The following ELP1 variants were observed in gnomAD, a reference collection of about 807,000 sequenced individuals.
ELP1 encodes elongator acetyltransferase complex subunit 1, also known as elongator complex protein 1.
Under a neutral mutation model 183.2 loss-of-function variants are expected in ELP1, and 131 were observed. The ratio of observed to expected loss-of-function variants is 0.72; its 90% CI spans 0.62 to 0.83. ELP1 has a LOEUF of 0.83. Ranked by LOEUF, ELP1 falls within the 40% of genes least tolerant of loss-of-function variation. ELP1 has a pLI of 0.00. For synonymous variants in ELP1, 555 were observed against 569.0 expected (o/e 0.98, Z 0.35); for missense variants, 1,550 against 1,594.9 (o/e 0.97, Z 0.48).
At chr9:108,931,257 A>C in intron 1 of ELP1, 56 bp from the exon 2 acceptor site, 5 of 1,150,090 alleles carry the variant, frequency 4.3e-6, no homozygotes, top group Non-Finnish European at 6.5e-6. Flanking sequence ...ATTTAAATGA[A>C]ATGATTCAGG....
chr9:108,917,776 C>G, intron 8 of ELP1, 106 bp from the exon 9 acceptor site: 1 of 1,163,356 alleles, frequency 8.6e-7, no homozygotes, highest in Non-Finnish European at 1.3e-6. Flanking sequence ...AATGAATGAA[C>G]GAATTAATGA....
intron 35 of ELP1, among the ~76,000 whole-genome samples, chr9:108,876,458 T>C (rs1217080493): frequency 1.3e-5 from 2 of 152,154 alleles, no homozygotes; most frequent in East Asian, 1.9e-4. Context: ...AAGCATTCTA[T>C]TGAAGCACAC....
At chr9:108,878,266 C>T (rs1173930474) in intron 34 of ELP1, 117 bp from the exon 35 acceptor site, 1 of 826,954 alleles carries the variant, frequency 1.2e-6, no homozygotes, top group Non-Finnish European at 2.0e-6. Context: ...GGTCCTTTCT[C>T]CCACATTATC....
In ELP1 at chr9:108,896,983, T is replaced by C; in HGVS notation, c.2557A>G (p.Ile853Val). ...HVKKTTPELE[I>V]VLQKVHELQG... ...AGCTCGTGTACTTTTTGCAGTACAA[T>C]TTCCAGTTCTGGGGTTGTCTTCTTT... Residue 853 changes from isoleucine (I) to valine (V), a missense_variant, in exon 24 of 37, where the codon ATT becomes GTT. By Grantham distance (29) the Ile-to-Val change is conservative. Transcript: ENST00000374647. 1 of 1,614,138 alleles carries C rather than the reference T, an allele frequency of 6.2e-7. No homozygotes were observed.
In ELP1 at chr9:108,922,761, G is replaced by A. The variant is rs1248008380; in HGVS notation, c.552+81C>T. 4 of 995,278 alleles carry A rather than the reference G, an allele frequency of 4.0e-6. No individual in the cohort carries two copies. The East Asian group carries it at 9.5e-5, about 24-fold the overall frequency. 61.7% of individuals were successfully genotyped at this position (995,278 alleles called of 1,614,324 possible). A position where few individuals can be genotyped will look rare whatever the true frequency, so the allele number is the denominator to read the frequency against. ...AGAACTGTTCATTACTGGCATCTAA[G>A]TGGACACCAAAGAGTTCCTGGTGGG... On this transcript the variant is annotated intron_variant, in intron 6 of 36. Coordinates refer to ENST00000374647, the MANE Select transcript of ELP1 (RefSeq NM_003640.5).
At chr9:108,889,437 T>A (rs535283795) in intron 28 of ELP1, 44 bp from the exon 29 acceptor site, 2 of 1,550,554 alleles carry the variant, frequency 1.3e-6, no homozygotes, top group Non-Finnish European at 1.8e-6. Context: ...GTTAAACAGA[T>A]ACTTTAGCTC....
intron 18 of ELP1, among the ~76,000 whole-genome samples, chr9:108,900,806 G>A (rs993338021): frequency 2.7e-4 from 34 of 127,450 alleles, no homozygotes; most frequent in Non-Finnish European, 3.6e-4. Context: ...ACACATACAC[G>A]CCACACACAC....
Position 108,912,322 on chromosome 9 carries a change from A to G in ELP1, c.1131T>C (p.Thr377=), listed in dbSNP as rs1383787618. 1 of 1,614,096 alleles carries G rather than the reference A, an allele frequency of 6.2e-7. No individual in the cohort carries two copies. The highest frequency in any genetic ancestry group is 8.5e-7 in the Non-Finnish European group (1 of 1,180,052). ...HYLAYDWHWT[T]DRSVGDNSSD... ...TTGAATTATCTCCCACGCTCCGGTC[A>G]GTCGTCCAGTGCCAATCATAGGCGA... The change falls in exon 11 of 37, where the codon ACT becomes ACC. Residue 377 remains threonine (T), a synonymous_variant. Coordinates refer to ENST00000374647, the MANE Select transcript of ELP1 (RefSeq NM_003640.5).
chr9:108,894,160 C>T (rs1462139508), intron 25 of ELP1, 94 bp from the exon 26 acceptor site: 3 of 723,194 alleles, frequency 4.1e-6, no homozygotes, highest in Non-Finnish European at 6.7e-6. Context: ...CCCAAAGCTA[C>T]ATAATTTTTA....
chr9:108,902,728 G>C (rs1828856966), intron 16 of ELP1, 111 bp downstream of exon 16: 3 of 772,646 alleles, frequency 3.9e-6, no homozygotes, highest in South Asian at 2.8e-5. Context: ...CTATTGTCTA[G>C]GCATTTAGTG....
rs113059445 is a variant in ELP1, at chr9:108,869,669, C to T, written c.3932-487G>A. On this transcript the variant is annotated intron_variant, in intron 36 of 36. Coordinates refer to ENST00000374647, the MANE Select transcript of ELP1 (RefSeq NM_003640.5). ...AACATGTTGATCAATAAAGATGCCC[C>T]TGCTTTAAAAAAAGTGAATGGAGAG... Among the ~76,000 whole-genome samples, 172 of 151,720 alleles carry T rather than the reference C, an allele frequency of 1.1e-3. 1 individual carries two copies. The highest frequency in any genetic ancestry group is 6.8e-3 in the Middle Eastern group (2 of 292).
At chr9:108,891,691 AT>A (rs1445941605) in intron 27 of ELP1, among the ~76,000 whole-genome samples, 5 of 152,364 alleles carry the variant, frequency 3.3e-5, no homozygotes, top group Middle Eastern at 3.4e-3. Context: ...GAAAAACCAT[AT>A]AAGAACCACC....
chr9:108,917,751 C>T, intron 8 of ELP1, 81 bp from the exon 9 acceptor site: 1 of 1,431,650 alleles, frequency 7.0e-7, no homozygotes, highest in Non-Finnish European at 9.8e-7. Flanking sequence ...GTTTTTTTTC[C>T]AGCAAACATG....
In ELP1 at chr9:108,912,314, C is replaced by G. The variant is rs749865081; in HGVS notation, c.1139G>C (p.Ser380Thr). ...AYDWHWTTDR[S>T]VGDNSSDLSN... is the part of the protein sequence containing the mutation. ...CAAGTCACTTGAATTATCTCCCACG[C>G]TCCGGTCAGTCGTCCAGTGCCAATC... The change falls in exon 11 of 37, where the codon AGC (serine) becomes ACC (threonine). Residue 380 changes from serine to threonine, a missense_variant. Ser to Thr is a moderately conservative substitution (Grantham distance 58). Transcript: ENST00000374647. 3.1e-6 allele frequency: 5 copies of G among 1,614,216 alleles called. No homozygotes were observed. The highest frequency in any genetic ancestry group is 4.2e-6 in the Non-Finnish European group (5 of 1,180,042).
chr9:108,909,196 T>C (rs760403368), intron 12 of ELP1, among the ~76,000 whole-genome samples: 13 of 152,036 alleles, frequency 8.6e-5, no homozygotes, highest in African/African-American at 2.4e-4. Context: ...CCTTAAGCTC[T>C]CCCTACCCCT....
intron 28 of ELP1, among the ~76,000 whole-genome samples, chr9:108,890,246 G>C (rs1828273097): frequency 6.6e-6 from 1 of 152,138 alleles, no homozygotes; most frequent in Admixed American, 6.5e-5. Flanking sequence ...TGTAAAAAGA[G>C]GCCAGCATGG....
intron 36 of ELP1, among the ~76,000 whole-genome samples, chr9:108,874,484 C>A (rs1827619993): frequency 6.6e-6 from 1 of 152,018 alleles, no homozygotes; most frequent in African/African-American, 2.4e-5. Context: ...TAAAAAGGTC[C>A]CACTCATAAG....
At chr9:108,922,664 A>G (rs1829686853) in intron 6 of ELP1, among the ~76,000 whole-genome samples, 178 bp downstream of exon 6, 1 of 152,226 alleles carries the variant, frequency 6.6e-6, no homozygotes, top group Non-Finnish European at 1.5e-5. Flanking sequence ...CTTGGCAATA[A>G]CAAGGAAAAA....
At chr9:108,914,111 T>G (rs1404698916) in intron 10 of ELP1, among the ~76,000 whole-genome samples, 1 of 151,862 alleles carries the variant, frequency 6.6e-6, no homozygotes, top group East Asian at 1.9e-4. Context: ...GTTAAAAGGG[T>G]TCTACTGAGG....
Sources: allele counts gnomAD v4.1 joint callset (sites outside exome capture counted in the v4.1 genomes callset), GRCh38; gene constraint gnomAD v4.1.1; transcripts MANE v1.5; gene names NCBI Gene and HGNC (gene_info 2026-07-23, HGNC 2026-07-21).